THADA: variants seen among roughly 807,000 people sequenced by gnomAD.
THADA encodes the protein THADA armadillo repeat containing, also known as tRNA (32-2'-O)-methyltransferase regulator THADA.
In THADA, 213 loss-of-function variants were observed where a neutral mutation model predicts 219.8. That is an observed-to-expected ratio of 0.97 (90% CI 0.87 to 1.09). The LOEUF (loss-of-function observed/expected upper bound fraction) is 1.09, where lower values mean the gene tolerates loss of function less well. Among genes scored for constraint, THADA ranks in the 50% least tolerant of loss-of-function variants. The probability of loss-of-function intolerance (pLI) is 0.00; values close to 1 mark genes in which losing one functional copy is unlikely to be tolerated. For missense variants in THADA, 2,956 were observed against 2,311.3 expected (o/e 1.28, Z -5.72); for synonymous variants, 1,018 against 828.9 (o/e 1.23, Z -3.92).
chr2:43,541,833 TA>T (rs1051044901), intron 20 of THADA, among the ~76,000 whole-genome samples: 3 of 152,148 alleles, frequency 2.0e-5, no homozygotes, highest in African/African-American at 7.2e-5. Flanking sequence ...AATTTTAAAA[TA>T]AAACACAATA....
rs1258140359 is a variant in THADA, at chr2:43,581,790, C to A, written c.672G>T (p.Trp224Cys). 1 of 1,612,328 alleles carries A rather than the reference C, an allele frequency of 6.2e-7. No homozygotes were observed. The highest frequency in any genetic ancestry group is 1.1e-5 in the South Asian group (1 of 90,720). Reference protein sequence around the residue: ...NLWKTSDSPIWQNMCGLLSIF... With the variant: ...NLWKTSDSPICQNMCGLLSIF... ...TACTCAGCAATCCACACATATTTTG[C>A]CATATGGGAGAATCGGAAGTCTTCC... The change falls in exon 8 of 38, where the codon TGG becomes TGT. Residue 224 changes from tryptophan to cysteine, a missense_variant. By Grantham distance (215) the Trp-to-Cys change is radical. Transcript: ENST00000405975.
chr2:43,368,884 T>A (rs1207767496), intron 29 of THADA, among the ~76,000 whole-genome samples: 2 of 152,122 alleles, frequency 1.3e-5, no homozygotes, highest in African/African-American at 4.8e-5. Flanking sequence ...ATTCTCTGAC[T>A]TTTTTCTCTA....
intron 25 of THADA, among the ~76,000 whole-genome samples, chr2:43,495,654 G>A (rs1330257065): frequency 6.6e-6 from 1 of 152,086 alleles, no homozygotes; most frequent in African/African-American, 2.4e-5. Flanking sequence ...ATTTCTGATA[G>A]TTTGAATTTT....
At chr2:43,312,344 T>C (rs1432017242) in intron 31 of THADA, among the ~76,000 whole-genome samples, 1 of 152,146 alleles carries the variant, frequency 6.6e-6, no homozygotes, top group Non-Finnish European at 1.5e-5. Flanking sequence ...TCTCACATTA[T>C]ATGAGGCCTT....
At chr2:43,586,635 G>T (rs961317198) in intron 6 of THADA, 67 bp downstream of exon 6, 2 of 1,523,352 alleles carry the variant, frequency 1.3e-6, no homozygotes, top group African/African-American at 2.8e-5. Flanking sequence ...AAACTTAAAA[G>T]AGCCAGTTCC....
intron 30 of THADA, among the ~76,000 whole-genome samples, chr2:43,339,569 C>A (rs113691127): frequency 6.6e-6 from 1 of 152,252 alleles, no homozygotes; most frequent in South Asian, 2.1e-4. Flanking sequence ...CATGAGCCAC[C>A]GCACCCAGCC....
intron 36 of THADA, among the ~76,000 whole-genome samples, chr2:43,246,379 C>T (rs1414845025): frequency 2.0e-5 from 3 of 152,076 alleles, no homozygotes; most frequent in Non-Finnish European, 4.4e-5. Flanking sequence ...CCTGTAGTCC[C>T]AGCTACTTGG....
At chr2:43,359,920 A>G (rs1240583812) in intron 29 of THADA, among the ~76,000 whole-genome samples, 3 of 151,492 alleles carry the variant, frequency 2.0e-5, no homozygotes, top group Non-Finnish European at 4.4e-5. Context: ...TACTGGCCCC[A>G]GCTCCAACGG....
intron 28 of THADA, among the ~76,000 whole-genome samples, chr2:43,411,532 A>G (rs1423581544): frequency 6.6e-6 from 1 of 152,146 alleles, no homozygotes; most frequent in Non-Finnish European, 1.5e-5. Context: ...AATATTTTGA[A>G]CAGCCTTTTA....
At chr2:43,308,192 C>T (rs971492428) in intron 31 of THADA, among the ~76,000 whole-genome samples, 2 of 151,796 alleles carry the variant, frequency 1.3e-5, no homozygotes, top group Non-Finnish European at 1.5e-5. Context: ...CTGTATCATT[C>T]TTTTTAAAAG....
chr2:43,395,390 T>A (rs1673904268), intron 29 of THADA, among the ~76,000 whole-genome samples: 1 of 152,216 alleles, frequency 6.6e-6, no homozygotes, highest in Admixed American at 6.5e-5. Flanking sequence ...GCCACAATGG[T>A]CCATCTTTAA....
chr2:43,388,375 A>T (rs1381930723), intron 29 of THADA, among the ~76,000 whole-genome samples: 1 of 152,214 alleles, frequency 6.6e-6, no homozygotes, highest in African/African-American at 2.4e-5. Flanking sequence ...TCAGACAGTA[A>T]GAGTGGAATG....
intron 35 of THADA, among the ~76,000 whole-genome samples, chr2:43,283,240 A>G (rs1290197286): frequency 1.3e-5 from 2 of 152,226 alleles, no homozygotes; most frequent in African/African-American, 4.8e-5. Context: ...GAGCCAATTA[A>G]ACCTCTTTTC....
chr2:43,364,098 C>G (rs1223895950), intron 29 of THADA, among the ~76,000 whole-genome samples: 4 of 149,508 alleles, frequency 2.7e-5, no homozygotes, highest in Non-Finnish European at 5.9e-5. Flanking sequence ...ACGGTGTGCA[C>G]CTTTAGTTCC....
At chr2:43,540,877 T>C (rs1558936927) in intron 21 of THADA, among the ~76,000 whole-genome samples, 1 of 152,178 alleles carries the variant, frequency 6.6e-6, no homozygotes, top group Non-Finnish European at 1.5e-5. Flanking sequence ...AGTCTGTGTA[T>C]GTGAAATGGA....
At chr2:43,409,637 C>T (rs1676032675) in intron 28 of THADA, among the ~76,000 whole-genome samples, 2 of 151,990 alleles carry the variant, frequency 1.3e-5, no homozygotes. Flanking sequence ...TTTCTTGCTG[C>T]AATTTAATTT....
chr2:43,291,030 G>A (rs1025708165), intron 34 of THADA, among the ~76,000 whole-genome samples: 4 of 151,934 alleles, frequency 2.6e-5, no homozygotes, highest in Non-Finnish European at 5.9e-5. Context: ...AATACTTTTG[G>A]AATTGACATG....
chr2:43,268,403 G>A (rs997323378), intron 36 of THADA, among the ~76,000 whole-genome samples: 1 of 152,072 alleles, frequency 6.6e-6, no homozygotes, highest in South Asian at 2.1e-4. Context: ...CCTGCCCCAC[G>A]TGTGCAGAGA....
intron 27 of THADA, among the ~76,000 whole-genome samples, chr2:43,428,573 C>G (rs1245579463): frequency 6.6e-6 from 1 of 152,178 alleles, no homozygotes; most frequent in East Asian, 1.9e-4. Context: ...CCACTGCACT[C>G]CAGCCTGGGT....
Sources: allele counts gnomAD v4.1 joint callset (sites outside exome capture counted in the v4.1 genomes callset), GRCh38; gene constraint gnomAD v4.1.1; transcripts MANE v1.5; gene names NCBI Gene and HGNC (gene_info 2026-07-23, HGNC 2026-07-21).